Variants in STX18 observed in about 807,000 individuals in gnomAD.
STX18 encodes the protein syntaxin 18, also known as syntaxin-18.
In STX18, 40 loss-of-function variants were observed where a neutral mutation model predicts 50.1. The observed-to-expected ratio is 0.80, with a 90% CI of 0.62 to 1.04. The LOEUF is 1.04. Among genes scored for constraint, STX18 ranks in the 50% least tolerant of loss-of-function variants. The probability of loss-of-function intolerance (pLI) is 0.00; values close to 1 mark genes in which losing one functional copy is unlikely to be tolerated. For missense variants in STX18, 410 were observed against 415.8 expected, an observed-to-expected ratio of 0.99 and a Z score of 0.12; for synonymous variants, 158 against 151.8, an observed-to-expected ratio of 1.04 and a Z score of -0.30.
At chr4:4,430,844 T>C (rs1160708498) in intron 7 of STX18, among the ~76,000 whole-genome samples, 2 of 152,166 alleles carry the variant, frequency 1.3e-5, no homozygotes, top group Non-Finnish European at 2.9e-5. Flanking sequence ...GGGGTATTGA[T>C]TCTGAAGAGA....
chr4:4,457,350 G>C (rs1727134383), intron 4 of STX18, 73 bp downstream of exon 4: 4 of 1,561,376 alleles, frequency 2.6e-6, no homozygotes, highest in African/African-American at 2.7e-5. Context: ...ACAGTCTTCA[G>C]CTAGCAAAGC....
chr4:4,427,370 G>C (rs1007766776), intron 7 of STX18, among the ~76,000 whole-genome samples: 8 of 152,176 alleles, frequency 5.3e-5, no homozygotes, highest in African/African-American at 1.9e-4. Context: ...CAAGACAAAG[G>C]CTATTTAAGA....
rs1724869687 is a variant in STX18 at position 4,420,362 on chromosome 4, ACT to A, written c.913-235_913-234del. ...TCCTGCACAATTCTCCCTCAACACA[ACT>A]CTCGGAATCACTCCCTTCTGTCCCA... On this transcript the variant is annotated intron_variant, in intron 10 of 10. Transcript: ENST00000306200. This position sits in a 1 kb window ranked among gnomAD's most constrained non-coding sequence, Gnocchi z 4.3. The A allele has an allele frequency of 2.0e-6, 1 of 505,442 alleles. No individual in the cohort carries two copies. The highest frequency in any genetic ancestry group is 2.4e-5 in the South Asian group (1 of 41,714). The allele number at this position is 505,442 out of a possible 1,614,324, so 31.3% of individuals were successfully genotyped here.
At chr4:4,427,171 G>C (rs1442249061) in intron 7 of STX18, among the ~76,000 whole-genome samples, 1 of 152,062 alleles carries the variant, frequency 6.6e-6, no homozygotes, top group Non-Finnish European at 1.5e-5. Context: ...ACCAGTTCTC[G>C]GCCCCGGCTA....
chr4:4,434,687 G>A (rs1329125429), intron 7 of STX18, 83 bp downstream of exon 7: 3 of 1,078,374 alleles, frequency 2.8e-6, no homozygotes, highest in Non-Finnish European at 2.7e-6. Context: ...AAGGGCAAGG[G>A]CATTGAGGAT....
At chr4:4,514,806 C>G (rs1730169699) in intron 1 of STX18, among the ~76,000 whole-genome samples, 1 of 151,998 alleles carries the variant, frequency 6.6e-6, no homozygotes, top group African/African-American at 2.4e-5. Flanking sequence ...AGAATTCTTT[C>G]TTTGGATCAG....
At chr4:4,454,845 T>C (rs1726981676) in intron 5 of STX18, among the ~76,000 whole-genome samples, 3 of 152,244 alleles carry the variant, frequency 2.0e-5, no homozygotes, top group Non-Finnish European at 4.4e-5. Flanking sequence ...TTTAAAGATA[T>C]GGTGGCTTTT....
In STX18 at chr4:4,540,222, G is replaced by A. The variant is rs556984102; in HGVS notation, c.168+1575C>T. Among the ~76,000 whole-genome samples, 13 of 152,324 alleles carry A rather than the reference G, an allele frequency of 8.5e-5. No individual in the cohort carries two copies. The South Asian group carries it at 1.2e-3, about 15-fold the overall frequency. ...AAAACTTGCTTAATGAAATCATATA[G>A]CTAATAGTTGCAGGGTTCAGACAAC... On this transcript the variant is annotated intron_variant, in intron 1 of 10. Transcript: ENST00000306200.
At chr4:4,507,527 G>A (rs371746979) in intron 1 of STX18, 304 of 768,878 alleles carry the variant, frequency 4.0e-4, no homozygotes, top group African/African-American at 3.0e-3. Context: ...CGAAAAAGCC[G>A]CACAAAAAAT....
At chr4:4,424,820 A>T (rs987300954) in intron 8 of STX18, among the ~76,000 whole-genome samples, 1 of 152,184 alleles carries the variant, frequency 6.6e-6, no homozygotes, top group African/African-American at 2.4e-5. Context: ...GCTGCCCTTC[A>T]TAAGGGCCCC....
Position 4,457,250 on chromosome 4 carries a change from A to G in STX18, c.438T>C (p.Cys146=). 1.9e-6 allele frequency: 3 copies of G among 1,614,086 alleles called. No individual in the cohort carries two copies. The highest frequency in any genetic ancestry group is 2.5e-6 in the Non-Finnish European group (3 of 1,179,920). Reference sequence around the variant, plus strand: ...TGGCTCTCTGTTCTGAGTAAAGTTTACATACTCCTGTTGCAGAAGAAAATA... The same window carrying G: ...TGGCTCTCTGTTCTGAGTAAAGTTTGCATACTCCTGTTGCAGAAGAAAATA... ...DFIEDYLKRV[C]KLYSEQRAIR... Residue 146 remains cysteine (C), a synonymous_variant, in exon 5 of 11, where the codon TGT becomes TGC. Transcript: ENST00000306200.
chr4:4,437,770 G>A (rs1725864864), intron 6 of STX18, among the ~76,000 whole-genome samples: 1 of 152,230 alleles, frequency 6.6e-6, no homozygotes, highest in Non-Finnish European at 1.5e-5. Context: ...GGCAAACTAT[G>A]CAGGCATCCC....
At chr4:4,467,598 T>C (rs1727683548) in intron 2 of STX18, among the ~76,000 whole-genome samples, 1 of 152,150 alleles carries the variant, frequency 6.6e-6, no homozygotes, top group Non-Finnish European at 1.5e-5. Context: ...TATGCTTTCA[T>C]TGCCTGCCTG....
Position 4,434,690 on chromosome 4 carries a change from T to C in STX18, c.702+80A>G, listed in dbSNP as rs150111676. 428 of 1,157,156 alleles carry C rather than the reference T, an allele frequency of 3.7e-4. No individual in the cohort carries two copies. In the African/African-American group the frequency reaches 6.0e-3, roughly 16 times the overall value. The allele number at this position is 1,157,156 out of a possible 1,614,324, so 71.7% of individuals were successfully genotyped here. A position where few individuals can be genotyped will look rare whatever the true frequency, so the allele number is the denominator to read the frequency against. ...CAGTATAAAAATAAGGGCAAGGGCA[T>C]TGAGGATGAGTTTCTCCTTAGTGAA... is the stretch of plus-strand genomic sequence containing the variant. On this transcript the variant is annotated intron_variant, in intron 7 of 10. Coordinates refer to ENST00000306200, the MANE Select transcript of STX18 (RefSeq NM_016930.4).
Position 4,424,150 on chromosome 4 carries a change from G to A in STX18, c.762-563C>T, listed in dbSNP as rs568243050. Among the ~76,000 whole-genome samples the A allele has an allele frequency of 8.5e-5, 13 of 152,204 alleles. No homozygotes were observed. In the East Asian group the frequency reaches 1.2e-3, roughly 14 times the overall value. On this transcript the variant is annotated intron_variant, in intron 8 of 10. Coordinates refer to ENST00000306200, the MANE Select transcript of STX18 (RefSeq NM_016930.4). ...TGGTTTGGCAACGGAGTGTTCTGTC[G>A]GATCTGAAACACTTGGGCTAGCCAT... is the stretch of plus-strand genomic sequence containing the variant.
At chr4:4,536,189 T>G (rs3910659) in intron 1 of STX18, among the ~76,000 whole-genome samples, 41,462 of 152,126 alleles carry the variant, frequency 0.27, 7,312 homozygotes, top group African/African-American at 0.51. Context: ...ATCATGTGAG[T>G]ATCACAGAGC....
At chr4:4,494,240 T>C (rs1428267170) in intron 1 of STX18, among the ~76,000 whole-genome samples, 3 of 152,208 alleles carry the variant, frequency 2.0e-5, no homozygotes, top group Non-Finnish European at 4.4e-5. Flanking sequence ...GTACAGTACA[T>C]ATATTTGGGC....
chr4:4,452,474 G>A (rs1726807792), intron 5 of STX18, among the ~76,000 whole-genome samples: 1 of 152,214 alleles, frequency 6.6e-6, no homozygotes, highest in Non-Finnish European at 1.5e-5. Context: ...TCAAAGGATA[G>A]GGTGACTTTC....
intron 5 of STX18, among the ~76,000 whole-genome samples, chr4:4,440,673 G>C (rs1462223954): frequency 6.6e-6 from 1 of 152,200 alleles, no homozygotes; most frequent in African/African-American, 2.4e-5. Flanking sequence ...TAACCTGATT[G>C]CAGACACTCT....
Sources: gnomAD v4.1 joint callset for allele counts (sites outside exome capture counted in the v4.1 genomes callset) on GRCh38, gnomAD v4.1.1 for gene constraint, Gnocchi (gnomAD v3.1) non-coding constraint, MANE v1.5 for transcripts, NCBI Gene and HGNC (gene_info 2026-07-23, HGNC 2026-07-21) for gene names.